AADACL2: variants seen among roughly 807,000 people sequenced by gnomAD.
AADACL2 encodes arylacetamide deacetylase like 2.
AADACL2 carries 23 observed loss-of-function variants against 22.3 expected under a neutral mutation model. That is an observed-to-expected ratio of 1.03 (90% CI 0.74 to 1.46). The LOEUF is 1.46. Ranked by LOEUF, AADACL2 falls within the 40% of genes most tolerant of loss-of-function variation. The probability of loss-of-function intolerance (pLI) is 0.00; values close to 1 mark genes in which losing one functional copy is unlikely to be tolerated. For synonymous variants in AADACL2, 177 were observed against 166.2 expected (o/e 1.07, Z -0.50); for missense variants, 472 against 482.9 (o/e 0.98, Z 0.21).
At position 151,757,136 on chromosome 3, in the gene AADACL2, G is replaced by A. The variant is rs369501242; in HGVS notation, c.748G>A (p.Val250Met). 6.6e-5 allele frequency: 106 copies of A among 1,613,028 alleles called. No individual in the cohort carries two copies. The highest frequency in any genetic ancestry group is 1.3e-4 in the Admixed American group (8 of 59,900). The change falls in exon 5 of 5, where the codon GTG (valine) becomes ATG (methionine). Residue 250 changes from valine to methionine, a missense_variant. Physicochemically the swap from Val to Met is conservative, Grantham distance 21. Coordinates refer to ENST00000356517, the MANE Select transcript of AADACL2 (RefSeq NM_207365.4). ...GACCAGGGATGTAGCCATAAAACTC[G>A]TGAGCTTATATTTCACCAAGGATGA... ...VLTRDVAIKL[V>M]SLYFTKDEAL... is the part of the protein sequence containing the mutation.
At chr3:151,736,011 G>A (rs980523751) in intron 1 of AADACL2, among the ~76,000 whole-genome samples, 1 of 152,080 alleles carries the variant, frequency 6.6e-6, no homozygotes, top group African/African-American at 2.4e-5. Flanking sequence ...GAATTTAAAG[G>A]TGAGGAAAGT....
intron 4 of AADACL2, among the ~76,000 whole-genome samples, chr3:151,756,530 TA>T (rs1376624048): frequency 1.2e-4 from 18 of 152,182 alleles, no homozygotes; most frequent in Non-Finnish European, 2.2e-4. Flanking sequence ...GATTTTTTTT[TA>T]GATTCTATAA....
intron 4 of AADACL2, among the ~76,000 whole-genome samples, chr3:151,748,408 A>C (rs573026055): frequency 6.6e-6 from 1 of 152,306 alleles, no homozygotes; most frequent in African/African-American, 2.4e-5. Flanking sequence ...CACCTTTGTC[A>C]AAGATCAATT....
rs374681192 is a variant in AADACL2 at position 151,734,182 on chromosome 3, A to C, written c.138+9A>C. 8 of 1,610,420 alleles carry C rather than the reference A, an allele frequency of 5.0e-6. No homozygotes were observed. The African/African-American group carries it at 1.1e-4, about 22-fold the overall frequency. Reference sequence around the variant, plus strand: ...AAACTTGTACATTTACGGTAAGGTTAACATTTATTTTTTCTGTTGGAAATT... The same window carrying C: ...AAACTTGTACATTTACGGTAAGGTTCACATTTATTTTTTCTGTTGGAAATT... On this transcript the variant is annotated intron_variant, in intron 1 of 4. Coordinates refer to ENST00000356517, the MANE Select transcript of AADACL2 (RefSeq NM_207365.4).
intron 2 of AADACL2, 110 bp from the exon 3 acceptor site, chr3:151,743,983 A>C: frequency 8.9e-7 from 1 of 1,127,478 alleles, no homozygotes; most frequent in Non-Finnish European, 1.3e-6. Flanking sequence ...GGTGGAAATA[A>C]AAGCTATGTG....
At chr3:151,736,705 T>G (rs951685691) in intron 1 of AADACL2, among the ~76,000 whole-genome samples, 11 of 152,234 alleles carry the variant, frequency 7.2e-5, no homozygotes, top group African/African-American at 2.2e-4. Flanking sequence ...GTGCCATATT[T>G]TCTTTATCTA....
intron 4 of AADACL2, among the ~76,000 whole-genome samples, chr3:151,756,347 TC>T (rs1200809603): frequency 6.6e-6 from 1 of 152,106 alleles, no homozygotes; most frequent in Non-Finnish European, 1.5e-5. Flanking sequence ...CATAATTTTC[TC>T]CCTTTGTTTC....
Position 151,744,108 on chromosome 3 carries a change from A to G in AADACL2, c.377A>G (p.Asp126Gly), listed in dbSNP as rs762340619. ...TTCATTTCAGAACAGAGGGCTTTTG[A>G]CTTCCTGAATAGATGGACGGCAAAC... is the stretch of plus-strand genomic sequence containing the variant. ...CFGSSKQRAF[D>G]FLNRWTANTL... The change falls in exon 3 of 5, where the codon GAC becomes GGC. Residue 126 changes from aspartate (D) to glycine (G), a missense_variant. Transcript: ENST00000356517. 2.5e-6 allele frequency: 4 copies of G among 1,613,644 alleles called. No homozygotes were observed. The highest frequency in any genetic ancestry group is 3.4e-6 in the Non-Finnish European group (4 of 1,179,710).
At chr3:151,755,017 G>T (rs1520138) in intron 4 of AADACL2, 3 of 151,900 alleles carry the variant, frequency 2.0e-5, no homozygotes, top group Non-Finnish European at 4.4e-5. Flanking sequence ...AGGTCTAGGA[G>T]GAAAGAACTA....
rs982106807 is a variant in AADACL2 at position 151,761,103 on chromosome 3, A to T, written c.*3509A>T. 4.8e-5 allele frequency: 7 copies of T among 147,216 alleles called. No homozygotes were observed. The highest frequency in any genetic ancestry group is 2.1e-4 in the Admixed American group (3 of 14,600). 9.1% of individuals were successfully genotyped at this position (147,216 alleles called of 1,614,324 possible). A position where few individuals can be genotyped will look rare whatever the true frequency, so the allele number is the denominator to read the frequency against. ...TATATATATGGTGAGATATATATAT[A>T]TTTTTTTATATATGGTGAGATATAT... On this transcript the variant is annotated 3_prime_UTR_variant, in exon 5 of 5. Transcript: ENST00000356517.
At chr3:151,746,353 T>C (rs1465937017) in intron 4 of AADACL2, among the ~76,000 whole-genome samples, 1 of 135,600 alleles carries the variant, frequency 7.4e-6, no homozygotes, top group Non-Finnish European at 1.6e-5. Flanking sequence ...GCTAGTGTTC[T>C]GTGTTTTTTT....
At chr3:151,743,746 C>T (rs1467876255) in intron 2 of AADACL2, among the ~76,000 whole-genome samples, 4 of 152,128 alleles carry the variant, frequency 2.6e-5, no homozygotes, top group African/African-American at 7.2e-5. Flanking sequence ...ACCATTATTT[C>T]AGATGAAGTA....
chr3:151,737,955 T>C (rs13096153), intron 1 of AADACL2, among the ~76,000 whole-genome samples: 33,800 of 152,028 alleles, frequency 0.22, 4,090 homozygotes, highest in East Asian at 0.42. Flanking sequence ...CCATTTACAT[T>C]TAAAGTAAAC....
At position 151,757,204 on chromosome 3, in the gene AADACL2, G is replaced by A. The variant is rs771586032; in HGVS notation, c.816G>A (p.Leu272=). ...WAMRRNQHMP[L]ESRHLFKFVN... ...TGAGAAGAAACCAACACATGCCTCT[G>A]GAGTCAAGACATCTGTTTAAGTTTG... is the stretch of plus-strand genomic sequence containing the variant. The change falls in exon 5 of 5, where the codon CTG becomes CTA. Residue 272 remains leucine, a synonymous_variant. Coordinates refer to ENST00000356517, the MANE Select transcript of AADACL2 (RefSeq NM_207365.4). 4 of 1,613,494 alleles carry A rather than the reference G, an allele frequency of 2.5e-6. No individual in the cohort carries two copies. The highest frequency in any genetic ancestry group is 3.4e-6 in the Non-Finnish European group (4 of 1,179,676).
At chr3:151,734,249 T>A in intron 1 of AADACL2, 76 bp downstream of exon 1, 1 of 1,431,300 alleles carries the variant, frequency 7.0e-7, no homozygotes, top group Non-Finnish European at 9.4e-7. Flanking sequence ...ATGAACTCTT[T>A]TATTAATAGT....
rs750715712 is a variant in AADACL2 at position 151,740,881 on chromosome 3, T to C, written c.361+13T>C. The C allele has an allele frequency of 4.3e-6, 7 of 1,610,800 alleles. No individual in the cohort carries two copies. In the South Asian group the frequency reaches 6.6e-5, roughly 15 times the overall value. On this transcript the variant is annotated intron_variant, in intron 2 of 4. Transcript: ENST00000356517. ...TTTGGAAGTTCCAGTAAGTTCATTG[T>C]ATAAGGAAAAAGTGTAGCTAGCTCT...
chr3:151,734,973 G>C (rs1248663642), intron 1 of AADACL2, among the ~76,000 whole-genome samples: 1 of 152,068 alleles, frequency 6.6e-6, no homozygotes, highest in Non-Finnish European at 1.5e-5. Flanking sequence ...AAAGGAGAAG[G>C]CCACAGAAGA....
At chr3:151,755,699 C>T (rs1255776425) in intron 4 of AADACL2, among the ~76,000 whole-genome samples, 2 of 152,110 alleles carry the variant, frequency 1.3e-5, no homozygotes, top group African/African-American at 4.8e-5. Flanking sequence ...GTTGAAGTGA[C>T]TTATTTCATA....
chr3:151,734,050 T>C lies in AADACL2; in HGVS notation c.15T>C (p.Ala5=). ...AAAGGGATATTATGGGGCTAAAAGCTCTCTGTTTGGGGCTGCTTTGTGTTC... is the reference window on the plus strand; with the variant it reads ...AAAGGGATATTATGGGGCTAAAAGCCCTCTGTTTGGGGCTGCTTTGTGTTC... MGLK[A]LCLGLLCVLF... The change falls in exon 1 of 5, where the codon GCT becomes GCC. Residue 5 remains alanine (A), a synonymous_variant. Transcript: ENST00000356517. 1 of 1,611,910 alleles carries C rather than the reference T, an allele frequency of 6.2e-7. No homozygotes were observed. The highest frequency in any genetic ancestry group is 8.5e-7 in the Non-Finnish European group (1 of 1,178,880).
Sources: allele counts gnomAD v4.1 joint callset (sites outside exome capture counted in the v4.1 genomes callset), GRCh38; gene constraint gnomAD v4.1.1; transcripts MANE v1.5; gene names NCBI Gene and HGNC (gene_info 2026-07-23, HGNC 2026-07-21).